EML6: variants seen among roughly 807,000 people sequenced by gnomAD.
The protein encoded by EML6 is EMAP like 6, also known as echinoderm microtubule-associated protein-like 6.
Under a neutral mutation model 240.1 loss-of-function variants are expected in EML6, and 154 were observed. That is an observed-to-expected ratio of 0.64 (90% CI 0.56 to 0.73). The LOEUF is 0.73. EML6 is among the 30% of genes least tolerant of loss of function. The pLI is 0.00. For missense variants in EML6, 2,964 were observed against 2,474.6 expected (o/e 1.20, Z -4.20); for synonymous variants, 1,148 against 899.0 (o/e 1.28, Z -4.95).
intron 2 of EML6, among the ~76,000 whole-genome samples, chr2:54,734,081 G>A (rs1381900680): frequency 6.6e-6 from 1 of 152,198 alleles, no homozygotes; most frequent in African/African-American, 2.4e-5. Context: ...GCTCACTTCT[G>A]TAACCCTAGC....
chr2:54,774,803 G>A lies in EML6; in HGVS notation c.198-38429G>A, dbSNP rs1317151368. Among the ~76,000 whole-genome samples, 2 of 152,208 alleles carry A rather than the reference G, an allele frequency of 1.3e-5. No individual in the cohort carries two copies. Among genetic ancestry groups the A allele is most frequent in the Admixed American group, 6.5e-5 (1 of 15,280 alleles). The stretch of plus-strand genomic sequence containing the variant: ...GCAAAATCTTTATCTTCTACTCTGT[G>A]TGGATTGGTCTTTAGTCAATGCTTC... On this transcript the variant is annotated intron_variant, in intron 2 of 41. Transcript: ENST00000356458. This position sits in a 1 kb window ranked among gnomAD's most constrained non-coding sequence, Gnocchi z 4.1.
chr2:54,745,594 T>C (rs1242048042), intron 2 of EML6, among the ~76,000 whole-genome samples: 1 of 152,058 alleles, frequency 6.6e-6, no homozygotes, highest in African/African-American at 2.4e-5. Context: ...CTGGGTAACA[T>C]GGCAAGACTC....
At chr2:54,842,736 T>G (rs554211150) in intron 7 of EML6, among the ~76,000 whole-genome samples, 1 of 152,262 alleles carries the variant, frequency 6.6e-6, no homozygotes, top group Non-Finnish European at 1.5e-5. Context: ...CAGAACAGAC[T>G]GCAAAAAATC....
intron 24 of EML6, among the ~76,000 whole-genome samples, chr2:54,904,512 G>A (rs1484531184): frequency 6.6e-6 from 1 of 152,170 alleles, no homozygotes; most frequent in Non-Finnish European, 1.5e-5. Context: ...GATCTTGAGA[G>A]ATAAGGAGAA....
intron 15 of EML6, among the ~76,000 whole-genome samples, chr2:54,869,875 T>G (rs1293520216): frequency 6.6e-6 from 1 of 152,172 alleles, no homozygotes; most frequent in African/African-American, 2.4e-5. Context: ...AGTCTGTAAT[T>G]GAAAAAGCTG....
At chr2:54,805,112 T>C (rs957204349) in intron 2 of EML6, among the ~76,000 whole-genome samples, 1 of 152,206 alleles carries the variant, frequency 6.6e-6, no homozygotes, top group African/African-American at 2.4e-5. Flanking sequence ...CAATGTAATA[T>C]TTTTGAGATT....
At chr2:54,761,353 T>G (rs80309373) in intron 2 of EML6, among the ~76,000 whole-genome samples, 2 of 152,136 alleles carry the variant, frequency 1.3e-5, no homozygotes, top group Non-Finnish European at 2.9e-5. Flanking sequence ...AAGGTGCTTA[T>G]TTTTATTAAT....
At chr2:54,915,785 C>G (rs1297826553) in intron 25 of EML6, among the ~76,000 whole-genome samples, 1 of 151,980 alleles carries the variant, frequency 6.6e-6, no homozygotes, top group Non-Finnish European at 1.5e-5. Flanking sequence ...GTTTCAAATT[C>G]AAAAAGAGAG....
At chr2:54,806,612 C>CAAAAAAAAAAAAAAAAAAAAAAAAAAAA (rs58185994) in intron 2 of EML6, among the ~76,000 whole-genome samples, 8 of 52,864 alleles carry the variant, frequency 1.5e-4, no homozygotes, top group East Asian at 1.1e-3. Context: ...ACTCCGTCTC[C>CAAAAAAAAAAAAAAAAAAAAAAAAAAAA]AAAAAAAAAA....
At chr2:54,775,477 T>A (rs536806177) in intron 2 of EML6, among the ~76,000 whole-genome samples, 3 of 152,200 alleles carry the variant, frequency 2.0e-5, no homozygotes, top group African/African-American at 7.2e-5. Context: ...ATTTCTGTGC[T>A]CCTCCTAACC....
intron 17 of EML6, chr2:54,882,510 G>T (rs933805634): frequency 1.3e-5 from 2 of 152,034 alleles, no homozygotes; most frequent in Admixed American, 1.3e-4. Flanking sequence ...GGACAAAAAA[G>T]AATTATCAAC....
At position 54,849,955 on chromosome 2, in the gene EML6, C is replaced by A; in HGVS notation, c.1188-7C>A. ...GCTGCTTATCGTTTTGCTTTTTATT[C>A]TTACAGAGATATGACAGAAGTAGTT... On this transcript the variant is annotated splice_region_variant and splice_polypyrimidine_tract_variant and intron_variant, in intron 9 of 41. Coordinates refer to ENST00000356458, the MANE Select transcript of EML6 (RefSeq NM_001039753.4). The A allele has an allele frequency of 1.9e-6, 3 of 1,546,820 alleles. No homozygotes were observed. Among genetic ancestry groups the A allele is most frequent in the Non-Finnish European group, 2.6e-6 (3 of 1,143,824 alleles).
chr2:54,872,372 T>G (rs1239293311), intron 16 of EML6, among the ~76,000 whole-genome samples: 1 of 152,216 alleles, frequency 6.6e-6, no homozygotes, highest in Non-Finnish European at 1.5e-5. Flanking sequence ...TTCAAATGCT[T>G]AATAAGTATA....
At chr2:54,818,236 T>G (rs544241830) in intron 4 of EML6, among the ~76,000 whole-genome samples, 1 of 152,218 alleles carries the variant, frequency 6.6e-6, no homozygotes, top group African/African-American at 2.4e-5. Context: ...GTAATCACTT[T>G]GGCTTGTATA....
intron 28 of EML6, among the ~76,000 whole-genome samples, chr2:54,940,344 A>T (rs942355885): frequency 1.3e-5 from 2 of 152,176 alleles, no homozygotes; most frequent in Non-Finnish European, 2.9e-5. Flanking sequence ...AAAAAATTTT[A>T]TGGGGTTTCA....
chr2:54,798,968 G>A (rs890799412), intron 2 of EML6, among the ~76,000 whole-genome samples: 3 of 152,188 alleles, frequency 2.0e-5, no homozygotes, highest in Non-Finnish European at 4.4e-5. Context: ...TTTGCTGACA[G>A]CATTTATCAT....
intron 34 of EML6, among the ~76,000 whole-genome samples, chr2:54,959,746 G>A (rs1314326676): frequency 6.6e-6 from 1 of 152,118 alleles, no homozygotes; most frequent in East Asian, 1.9e-4. Flanking sequence ...TGGGCGACAA[G>A]AGTGAAACTC....
intron 7 of EML6, 40 bp from the exon 8 acceptor site, chr2:54,844,007 T>C (rs1380752806): frequency 3.3e-6 from 4 of 1,227,732 alleles, no homozygotes; most frequent in Admixed American, 4.0e-5. Flanking sequence ...TGTGTGTGAA[T>C]AGTGTGAAGA....
chr2:54,948,183 A>G (rs888241229), intron 28 of EML6, among the ~76,000 whole-genome samples: 2 of 152,210 alleles, frequency 1.3e-5, no homozygotes, highest in African/African-American at 4.8e-5. Flanking sequence ...GGGCTTACAC[A>G]TTATAAAATC....
Sources: allele counts gnomAD v4.1 joint callset (sites outside exome capture counted in the v4.1 genomes callset), GRCh38; gene constraint gnomAD v4.1.1; non-coding constraint Gnocchi (gnomAD v3.1); transcripts MANE v1.5; gene names NCBI Gene and HGNC (gene_info 2026-07-23, HGNC 2026-07-21).